Variants in PXDNL observed in about 807,000 individuals in gnomAD.
The protein encoded by PXDNL is probable oxidoreductase PXDNL.
PXDNL carries 145 observed loss-of-function variants against 150.8 expected under a neutral mutation model. The ratio of observed to expected loss-of-function variants is 0.96; its 90% CI spans 0.84 to 1.10. The LOEUF is 1.10. Ranked by LOEUF, PXDNL falls within the 50% of genes least tolerant of loss-of-function variation. The pLI is 0.00. For missense variants in PXDNL, 2,087 were observed against 1,873.9 expected (o/e 1.11, Z -2.10); for synonymous variants, 757 against 725.7 (o/e 1.04, Z -0.69).
chr8:51,530,793 T>C lies in PXDNL; in HGVS notation c.380+26047A>G, dbSNP rs79726024. 6.4e-3 allele frequency among the ~76,000 whole-genome samples: 978 copies of C among 152,306 alleles called. 5 individuals are homozygous for C. The highest frequency in any genetic ancestry group is 0.022 in the African/African-American group (932 of 41,572). ...CCTATTTAACACCACATCCCACCCT[T>C]GCACCATTTCCCAGTAGCTACAACT... On this transcript the variant is annotated intron_variant, in intron 4 of 22. Transcript: ENST00000356297.
At chr8:51,638,630 C>A in intron 2 of PXDNL, among the ~76,000 whole-genome samples, 1 of 152,094 alleles carries the variant, frequency 6.6e-6, no homozygotes, top group East Asian at 1.9e-4. Flanking sequence ...GTAAAGGGAT[C>A]AATTCAACAA....
chr8:51,447,634 A>T (rs1361819165), intron 11 of PXDNL, among the ~76,000 whole-genome samples: 1 of 152,216 alleles, frequency 6.6e-6, no homozygotes, highest in Non-Finnish European at 1.5e-5. Flanking sequence ...TTATCTACAC[A>T]GTCAACCAGA....
rs16916011 is a variant in PXDNL at position 51,339,760 on chromosome 8, A to G, written c.4017-7T>C. 356,170 of 1,583,850 alleles carry G rather than the reference A, an allele frequency of 0.22. 41,399 individuals carry two copies. The highest frequency in any genetic ancestry group is 0.24 in the African/African-American group (17,393 of 73,110). On this transcript the variant is annotated splice_region_variant and splice_polypyrimidine_tract_variant and intron_variant, in intron 20 of 22. Transcript: ENST00000356297. ...ATATATTTTATCTTGTTGCCTATTT[A>G]TAACAAGAAGCAAATAAAATGCTGA...
chr8:51,794,112 T>G (rs945886438), intron 1 of PXDNL, among the ~76,000 whole-genome samples: 1 of 150,928 alleles, frequency 6.6e-6, no homozygotes, highest in Middle Eastern at 3.2e-3. Context: ...GCAGACAAGA[T>G]TAGAGAGAAA....
intron 2 of PXDNL, among the ~76,000 whole-genome samples, chr8:51,600,074 T>C (rs372036599): frequency 7.2e-6 from 1 of 139,344 alleles, no homozygotes; most frequent in Non-Finnish European, 1.5e-5. Flanking sequence ...TTATACCTTA[T>C]ATAAATGACA....
intron 1 of PXDNL, among the ~76,000 whole-genome samples, chr8:51,771,267 A>T (rs1180311485): frequency 2.0e-5 from 3 of 152,264 alleles, no homozygotes; most frequent in Non-Finnish European, 4.4e-5. Context: ...AATCCACAGC[A>T]GTCCTATATG....
intron 8 of PXDNL, among the ~76,000 whole-genome samples, chr8:51,470,011 T>G (rs887956571): frequency 3.9e-5 from 6 of 152,126 alleles, no homozygotes; most frequent in Admixed American, 2.6e-4. Flanking sequence ...AACTTTTATG[T>G]CATAAGTTAA....
At chr8:51,541,877 T>C (rs1415816905) in intron 4 of PXDNL, among the ~76,000 whole-genome samples, 2 of 152,188 alleles carry the variant, frequency 1.3e-5, no homozygotes, top group Non-Finnish European at 2.9e-5. Flanking sequence ...TGCCGTTTCA[T>C]GTTTTCTCAT....
At chr8:51,631,085 G>A (rs1814480419) in intron 2 of PXDNL, among the ~76,000 whole-genome samples, 1 of 152,138 alleles carries the variant, frequency 6.6e-6, no homozygotes, top group East Asian at 1.9e-4. Flanking sequence ...ATACACCATG[G>A]AATACCGTGC....
chr8:51,776,216 C>T (rs2037351767), intron 1 of PXDNL, among the ~76,000 whole-genome samples: 1 of 152,162 alleles, frequency 6.6e-6, no homozygotes, highest in Admixed American at 6.5e-5. Context: ...TTGCCCCAGT[C>T]CTGTGGTCCT....
intron 2 of PXDNL, among the ~76,000 whole-genome samples, chr8:51,644,890 G>A (rs967788763): frequency 1.3e-5 from 2 of 151,628 alleles, no homozygotes; most frequent in Admixed American, 6.6e-5. Flanking sequence ...GCGGGGACAC[G>A]GATCCATAGG....
chr8:51,424,334 A>G (rs947764478), intron 13 of PXDNL, among the ~76,000 whole-genome samples: 1 of 152,220 alleles, frequency 6.6e-6, no homozygotes, highest in African/African-American at 2.4e-5. Flanking sequence ...ATGCCACTGT[A>G]CTGTAGCCTG....
intron 1 of PXDNL, among the ~76,000 whole-genome samples, chr8:51,684,890 G>C (rs899465200): frequency 6.6e-6 from 1 of 152,160 alleles, no homozygotes; most frequent in Non-Finnish European, 1.5e-5. Context: ...CCAACAGCCT[G>C]CGTGGCCTGC....
At chr8:51,519,446 T>C (rs1811611298) in intron 4 of PXDNL, among the ~76,000 whole-genome samples, 1 of 151,922 alleles carries the variant, frequency 6.6e-6, no homozygotes, top group African/African-American at 2.4e-5. Context: ...GACAGGAGAA[T>C]TGCTTGAACC....
At chr8:51,358,495 G>A (rs2915480) in intron 19 of PXDNL, among the ~76,000 whole-genome samples, 111,480 of 152,090 alleles carry the variant, frequency 0.73, 41,409 homozygotes, top group East Asian at 0.94. Context: ...ATTAAACAGG[G>A]TCTTCTGTGA....
chr8:51,632,609 C>CTA (rs1814514862), intron 2 of PXDNL, among the ~76,000 whole-genome samples: 1 of 151,940 alleles, frequency 6.6e-6, no homozygotes, highest in African/African-American at 2.4e-5. Flanking sequence ...ATCAATCAAT[C>CTA]AATAAAGTAT....
intron 21 of PXDNL, among the ~76,000 whole-genome samples, chr8:51,329,714 G>C (rs1805624375): frequency 6.6e-6 from 1 of 152,176 alleles, no homozygotes; most frequent in African/African-American, 2.4e-5. Context: ...AAAAGAAAAT[G>C]TTAGAAATCA....
At chr8:51,700,901 CTATACATACACAATATACTCA>C (rs1163242001) in intron 1 of PXDNL, among the ~76,000 whole-genome samples, 4 of 151,484 alleles carry the variant, frequency 2.6e-5, no homozygotes, top group African/African-American at 9.7e-5. Context: ...CAATATACTC[CTATACATACACAATATACTCA>C]TATACATACA....
At chr8:51,510,191 C>G (rs1214004025) in intron 4 of PXDNL, among the ~76,000 whole-genome samples, 3 of 152,092 alleles carry the variant, frequency 2.0e-5, no homozygotes, top group Non-Finnish European at 4.4e-5. Flanking sequence ...TCCACAGAGC[C>G]AGCGAGAGAA....
Sources: allele counts gnomAD v4.1 joint callset (sites outside exome capture counted in the v4.1 genomes callset), GRCh38; gene constraint gnomAD v4.1.1; transcripts MANE v1.5; gene names NCBI Gene and HGNC (gene_info 2026-07-23, HGNC 2026-07-21).